ERC2: variants seen among roughly 807,000 people sequenced by gnomAD.
The protein encoded by ERC2 is ERC protein 2.
ERC2 carries 42 observed loss-of-function variants against 114.8 expected under a neutral mutation model. The ratio of observed to expected loss-of-function variants is 0.37; its 90% CI spans 0.29 to 0.47. The LOEUF is 0.47. Ranked by LOEUF, ERC2 falls within the 20% of genes least tolerant of loss-of-function variation. The probability of loss-of-function intolerance (pLI) is 0.99; values close to 1 mark genes in which losing one functional copy is unlikely to be tolerated. For missense variants in ERC2, 939 were observed against 1,150.7 expected (o/e 0.82, Z 2.66); for synonymous variants, 454 against 425.5 (o/e 1.07, Z -0.82).
chr3:55,820,695 G>A (rs144168365), intron 14 of ERC2, among the ~76,000 whole-genome samples: 40 of 152,284 alleles, frequency 2.6e-4, no homozygotes, highest in South Asian at 8.3e-4. Flanking sequence ...TCTCCAAGCC[G>A]GGCAGGGCAC....
intron 2 of ERC2, among the ~76,000 whole-genome samples, chr3:56,316,760 T>C (rs963538782): frequency 6.6e-6 from 1 of 152,240 alleles, no homozygotes; most frequent in Non-Finnish European, 1.5e-5. Context: ...TACAGTTACT[T>C]ATCTCCTTAG....
At chr3:56,009,812 G>A (rs2072775990) in intron 9 of ERC2, among the ~76,000 whole-genome samples, 2 of 152,146 alleles carry the variant, frequency 1.3e-5, no homozygotes, top group African/African-American at 4.8e-5. Flanking sequence ...TAACCCCCAA[G>A]CAAGAATTTC....
intron 17 of ERC2, among the ~76,000 whole-genome samples, chr3:55,564,039 C>T (rs2056206602): frequency 6.6e-6 from 1 of 152,188 alleles, no homozygotes; most frequent in African/African-American, 2.4e-5. Context: ...AATTCACAAT[C>T]TAATTTGTGT....
intron 2 of ERC2, among the ~76,000 whole-genome samples, chr3:56,420,284 A>C (rs911842987): frequency 9.7e-5 from 14 of 145,014 alleles, no homozygotes; most frequent in African/African-American, 3.3e-4. Flanking sequence ...TCCTAGGTTC[A>C]AGTGATCCTC....
At chr3:56,336,775 G>A (rs538936280) in intron 2 of ERC2, among the ~76,000 whole-genome samples, 1 of 152,172 alleles carries the variant, frequency 6.6e-6, no homozygotes, top group Admixed American at 6.5e-5. Flanking sequence ...CTAGCCTGGG[G>A]GATAGAGCGA....
At chr3:55,886,162 T>C (rs755462272) in intron 14 of ERC2, among the ~76,000 whole-genome samples, 1 of 152,138 alleles carries the variant, frequency 6.6e-6, no homozygotes, top group Non-Finnish European at 1.5e-5. Flanking sequence ...CAGGAAAGAA[T>C]ACAGGCTGAT....
At chr3:56,349,957 T>C (rs1020184839) in intron 2 of ERC2, among the ~76,000 whole-genome samples, 2 of 151,500 alleles carry the variant, frequency 1.3e-5, no homozygotes, top group Non-Finnish European at 2.9e-5. Flanking sequence ...TCAGGTACTA[T>C]GCTTATTACC....
At chr3:56,147,548 T>A (rs892254698) in intron 5 of ERC2, among the ~76,000 whole-genome samples, 2 of 152,124 alleles carry the variant, frequency 1.3e-5, no homozygotes, top group Non-Finnish European at 2.9e-5. Context: ...ATTTGCAAAC[T>A]CAGCAAGGAG....
At chr3:55,725,342 G>GA (rs1234866354) in intron 15 of ERC2, among the ~76,000 whole-genome samples, 9 of 152,226 alleles carry the variant, frequency 5.9e-5, no homozygotes, top group South Asian at 2.1e-4. Context: ...CTTGTACTGG[G>GA]ATCCTTAAAA....
At position 56,146,103 on chromosome 3, in the gene ERC2, A is replaced by G. The variant is rs112195164; in HGVS notation, c.1305+2874T>C. Among the ~76,000 whole-genome samples the G allele has an allele frequency of 2.5e-3, 376 of 152,180 alleles. 1 individual carries two copies. The highest frequency in any genetic ancestry group is 8.7e-3 in the African/African-American group (362 of 41,524). On this transcript the variant is annotated intron_variant, in intron 5 of 17. Coordinates refer to ENST00000288221, the MANE Select transcript of ERC2 (RefSeq NM_015576.3). ...GGAGTTTGAGACCAGCCTGACCAAC[A>G]TGGTGAAACCCCATCTCTACCAAAA...
rs576694951 is a variant in ERC2 at position 56,005,485 on chromosome 3, G to A, written c.2061+1696C>T. Among the ~76,000 whole-genome samples, 30 of 152,116 alleles carry A rather than the reference G, an allele frequency of 2.0e-4. 1 individual carries two copies. The Middle Eastern group carries it at 0.014, about 69-fold the overall frequency. On this transcript the variant is annotated intron_variant, in intron 10 of 17. Coordinates refer to ENST00000288221, the MANE Select transcript of ERC2 (RefSeq NM_015576.3). ...TATTAAACTAGTCAAGTCATTACAC[G>A]AAAAGTATAAGCAACAATATGTGAA... is the stretch of plus-strand genomic sequence containing the variant.
At chr3:56,042,739 G>A (rs1474892700) in intron 7 of ERC2, among the ~76,000 whole-genome samples, 2 of 151,720 alleles carry the variant, frequency 1.3e-5, no homozygotes, top group African/African-American at 2.4e-5. Context: ...CCCAATTCTC[G>A]GTGCTTAACT....
chr3:55,840,200 C>A (rs1371503456), intron 14 of ERC2, among the ~76,000 whole-genome samples: 1 of 151,898 alleles, frequency 6.6e-6, no homozygotes, highest in Non-Finnish European at 1.5e-5. Flanking sequence ...GCAGTCCCCA[C>A]ACTAGGTGAA....
At chr3:56,041,255 T>C (rs2075175179) in intron 7 of ERC2, among the ~76,000 whole-genome samples, 1 of 152,154 alleles carries the variant, frequency 6.6e-6, no homozygotes, top group Non-Finnish European at 1.5e-5. Context: ...GGAAGTCATC[T>C]GTTTTGGTTT....
intron 13 of ERC2, among the ~76,000 whole-genome samples, chr3:55,929,281 T>G (rs2065932241): frequency 6.6e-6 from 1 of 152,278 alleles, no homozygotes; most frequent in Non-Finnish European, 1.5e-5. Context: ...GCCATCCTGA[T>G]GTCCACTGTC....
chr3:55,859,277 A>AT (rs1187034148), intron 14 of ERC2, among the ~76,000 whole-genome samples: 1 of 151,776 alleles, frequency 6.6e-6, no homozygotes, highest in African/African-American at 2.4e-5. Context: ...ATCGTTTCTT[A>AT]TTTTTTTCCC....
chr3:56,419,556 C>A (rs1340575712), intron 2 of ERC2, among the ~76,000 whole-genome samples: 1 of 152,210 alleles, frequency 6.6e-6, no homozygotes, highest in Non-Finnish European at 1.5e-5. Context: ...TGTACATACC[C>A]TTTATCACCA....
chr3:55,544,731 G>A (rs1181904488), intron 17 of ERC2, among the ~76,000 whole-genome samples: 1 of 152,146 alleles, frequency 6.6e-6, no homozygotes, highest in African/African-American at 2.4e-5. Context: ...GGCAGGAGGA[G>A]GGACAAAATA....
chr3:56,362,960 T>C (rs949855497), intron 2 of ERC2, among the ~76,000 whole-genome samples: 1 of 152,204 alleles, frequency 6.6e-6, no homozygotes, highest in Non-Finnish European at 1.5e-5. Flanking sequence ...TCACCTGGTC[T>C]CCTTTGGGAG....
Sources: allele counts gnomAD v4.1 joint callset (sites outside exome capture counted in the v4.1 genomes callset), GRCh38; gene constraint gnomAD v4.1.1; transcripts MANE v1.5; gene names NCBI Gene and HGNC (gene_info 2026-07-23, HGNC 2026-07-21).